Variants in PAN3 observed in about 807,000 individuals in gnomAD.
The protein encoded by PAN3 is PAN2-PAN3 deadenylation complex subunit PAN3.
Under a neutral mutation model 96.2 loss-of-function variants are expected in PAN3, and 19 were observed. The ratio of observed to expected loss-of-function variants is 0.20; its 90% CI spans 0.14 to 0.29. The LOEUF is 0.29. Ranked by LOEUF, PAN3 falls within the 10% of genes least tolerant of loss-of-function variation. The pLI is 1.00. For synonymous variants in PAN3, 433 were observed against 406.6 expected (o/e 1.06, Z -0.78); for missense variants, 882 against 1,108.1 (o/e 0.80, Z 2.90).
chr13:28,190,897 T>C (rs1324862577), intron 4 of PAN3, among the ~76,000 whole-genome samples: 1 of 152,256 alleles, frequency 6.6e-6, no homozygotes, highest in Non-Finnish European at 1.5e-5. Context: ...AATTTTGTTA[T>C]ACAATGTTAA....
chr13:28,256,334 A>G lies in PAN3; in HGVS notation c.1043A>G (p.Lys348Arg). ...SAGSSPLHSP[K>R]ITPHTSPAPR... ...GGGTCTTCCCCTCTTCATTCCCCCA[A>G]GATTACTCCACATACTTCTCCTGCT... The change falls in exon 7 of 19, where the codon AAG (lysine) becomes AGG (arginine). Residue 348 changes from lysine (K) to arginine (R), a missense_variant. Coordinates refer to ENST00000380958, the MANE Select transcript of PAN3 (RefSeq NM_175854.8). The G allele has an allele frequency of 6.2e-7, 1 of 1,613,784 alleles. No homozygotes were observed.
intron 1 of PAN3, among the ~76,000 whole-genome samples, chr13:28,150,612 A>G (rs375797130): frequency 1.4e-3 from 215 of 148,698 alleles, no homozygotes; most frequent in African/African-American, 5.1e-3. Flanking sequence ...CCTCCAGCCT[A>G]GGCGACAGAG....
intron 6 of PAN3, among the ~76,000 whole-genome samples, chr13:28,254,249 A>T (rs568322360): frequency 2.0e-5 from 3 of 152,172 alleles, no homozygotes; most frequent in Admixed American, 1.3e-4. Flanking sequence ...TGAATTACCT[A>T]TATTTGTCCT....
intron 1 of PAN3, among the ~76,000 whole-genome samples, chr13:28,148,816 G>A (rs1027500180): frequency 4.6e-5 from 7 of 151,940 alleles, no homozygotes; most frequent in African/African-American, 1.5e-4. Context: ...TTCCACATTC[G>A]CACATAGAAA....
In PAN3 at chr13:28,277,316, T is replaced by C. The variant is rs1442127277; in HGVS notation, c.2129T>C (p.Leu710Ser). ...TTGGCAGGAATTCAGCGAGAGAATT[T>C]ACAGAAAGCCATGGAACTGGTGACA... is the stretch of plus-strand genomic sequence containing the variant. ...NSLAGIQREN[L>S]QKAMELVTIN... is the part of the protein sequence containing the mutation. The change falls in exon 15 of 19, where the codon TTA becomes TCA. Residue 710 changes from leucine to serine, a missense_variant. This residue lies in a region of PAN3 where 364 missense variants were observed against 513.6 expected (regional missense o/e 0.71). Coordinates refer to ENST00000380958, the MANE Select transcript of PAN3 (RefSeq NM_175854.8). 6.2e-7 allele frequency: 1 copy of C among 1,613,732 alleles called. No homozygotes were observed. Among genetic ancestry groups the C allele is most frequent in the Non-Finnish European group, 8.5e-7 (1 of 1,179,736 alleles).
In PAN3 at chr13:28,292,685, A is replaced by C; in HGVS notation, c.*163A>C. 1.8e-6 allele frequency: 1 copy of C among 544,356 alleles called. No homozygotes were observed. The highest frequency in any genetic ancestry group is 3.4e-5 in the East Asian group (1 of 29,376). The allele number at this position is 544,356 out of a possible 1,614,324, so 33.7% of individuals were successfully genotyped here. On this transcript the variant is annotated 3_prime_UTR_variant, in exon 19 of 19. Coordinates refer to ENST00000380958, the MANE Select transcript of PAN3 (RefSeq NM_175854.8). ...GGTACACTGTTACTTGAAAGGAAGA[A>C]TGTTTCACTTACCCAAGAGCTATGG... is the stretch of plus-strand genomic sequence containing the variant.
chr13:28,289,711 C>T (rs927218208), intron 18 of PAN3, among the ~76,000 whole-genome samples: 2 of 152,074 alleles, frequency 1.3e-5, no homozygotes, highest in Non-Finnish European at 2.9e-5. Context: ...GAAACCCCGT[C>T]CCTACTAAAA....
chr13:28,172,202 T>G (rs1379852236), intron 1 of PAN3, among the ~76,000 whole-genome samples: 2 of 152,182 alleles, frequency 1.3e-5, no homozygotes, highest in Non-Finnish European at 2.9e-5. Context: ...ACGCCTGTAA[T>G]CCCAACACTT....
intron 4 of PAN3, among the ~76,000 whole-genome samples, chr13:28,191,999 A>C (rs1877327871): frequency 6.6e-6 from 1 of 151,128 alleles, no homozygotes; most frequent in African/African-American, 2.4e-5. Flanking sequence ...TGCCTCCCAA[A>C]GTGCTGGGAT....
chr13:28,274,820 G>A (rs1368268365), intron 14 of PAN3, among the ~76,000 whole-genome samples: 3 of 152,038 alleles, frequency 2.0e-5, no homozygotes, highest in Non-Finnish European at 4.4e-5. Context: ...GTAAGGTATA[G>A]GAAAGAATTA....
At chr13:28,161,166 C>T (rs537142071) in intron 1 of PAN3, among the ~76,000 whole-genome samples, 5 of 152,040 alleles carry the variant, frequency 3.3e-5, no homozygotes, top group African/African-American at 1.2e-4. Context: ...TATATTTAAT[C>T]TTTTATTATG....
chr13:28,192,016 C>T lies in PAN3; in HGVS notation c.691-5169C>T, dbSNP rs189585758. On this transcript the variant is annotated intron_variant, in intron 4 of 18. Transcript: ENST00000380958. ...CCTCCCAAAGTGCTGGGATTACAGG[C>T]ATGAGCCACTGTGCTTGGCACTAAA... 6.0e-3 allele frequency among the ~76,000 whole-genome samples: 901 copies of T among 151,020 alleles called. 7 individuals carry two copies. The highest frequency in any genetic ancestry group is 9.0e-3 in the Non-Finnish European group (614 of 67,884).
intron 5 of PAN3, among the ~76,000 whole-genome samples, chr13:28,205,254 A>G (rs566274228): frequency 6.6e-6 from 1 of 152,262 alleles, no homozygotes; most frequent in African/African-American, 2.4e-5. Context: ...GTAAAGGTGA[A>G]GCTTCAAGCT....
chr13:28,254,879 C>CT (rs1885015330), intron 6 of PAN3, among the ~76,000 whole-genome samples: 1 of 152,064 alleles, frequency 6.6e-6, no homozygotes, highest in Non-Finnish European at 1.5e-5. Flanking sequence ...TTGCTGTTGA[C>CT]TTTGCATGTA....
At chr13:28,288,748 GT>G (rs1869300565) in intron 18 of PAN3, among the ~76,000 whole-genome samples, 1 of 151,244 alleles carries the variant, frequency 6.6e-6, no homozygotes, top group Non-Finnish European at 1.5e-5. Flanking sequence ...AAATAATTTT[GT>G]GTTTATTTTT....
intron 4 of PAN3, among the ~76,000 whole-genome samples, chr13:28,186,201 G>T (rs979179682): frequency 1.3e-5 from 2 of 152,022 alleles, no homozygotes; most frequent in Non-Finnish European, 2.9e-5. Context: ...CTTCATTTGG[G>T]TATATGTATT....
Position 28,260,173 on chromosome 13 carries a change from G to T in PAN3, c.1249-274G>T, listed in dbSNP as rs371219387. Among the ~76,000 whole-genome samples the T allele has an allele frequency of 5.3e-5, 8 of 152,064 alleles. No homozygotes were observed. The South Asian group carries it at 1.5e-3, about 28-fold the overall frequency. The stretch of plus-strand genomic sequence containing the variant: ...GCACTTTGGGAGGCCGAGGCAGGTG[G>T]ATCACCTGAGGTCAGGAGTTCAAGA... On this transcript the variant is annotated intron_variant, in intron 7 of 18. Transcript: ENST00000380958.
intron 6 of PAN3, among the ~76,000 whole-genome samples, chr13:28,224,073 A>C (rs183117153): frequency 6.6e-6 from 1 of 151,096 alleles, no homozygotes; most frequent in Non-Finnish European, 1.5e-5. Flanking sequence ...GGGTTTCACC[A>C]TGTTAGCCAG....
intron 1 of PAN3, among the ~76,000 whole-genome samples, chr13:28,155,697 GAT>G (rs146987388): frequency 6.6e-6 from 1 of 151,472 alleles, no homozygotes. Context: ...GACATAGTAT[GAT>G]ATATATATAT....
Sources: allele counts gnomAD v4.1 joint callset (sites outside exome capture counted in the v4.1 genomes callset), GRCh38; gene constraint gnomAD v4.1.1; regional missense constraint gnomAD v4.1.1; transcripts MANE v1.5; gene names NCBI Gene and HGNC (gene_info 2026-07-23, HGNC 2026-07-21).